YIPF4: variants seen among roughly 807,000 people sequenced by gnomAD.
YIPF4 encodes the protein protein YIPF4.
A neutral mutation model predicts 29.4 loss-of-function variants in YIPF4; 18 were observed. The ratio of observed to expected loss-of-function variants is 0.61; its 90% CI spans 0.42 to 0.91. The LOEUF (loss-of-function observed/expected upper bound fraction) is 0.91. YIPF4 is among the 40% of genes least tolerant of loss of function. The probability of loss-of-function intolerance (pLI) is 0.00; values close to 1 mark genes in which losing one functional copy is unlikely to be tolerated. For synonymous variants in YIPF4, 115 were observed against 104.7 expected, an observed-to-expected ratio of 1.10 and a Z score of -0.60; for missense variants, 279 against 282.7, an observed-to-expected ratio of 0.99 and a Z score of 0.09.
intron 1 of YIPF4, among the ~76,000 whole-genome samples, chr2:32,287,822 T>A (rs1429254171): frequency 2.0e-5 from 3 of 152,232 alleles, no homozygotes; most frequent in African/African-American, 7.2e-5. Flanking sequence ...CAATAGATTT[T>A]TTAAAAGATT....
In YIPF4 at chr2:32,313,077, A is replaced by G. The variant is rs2031749200; in HGVS notation, c.*7451A>G. On this transcript the variant is annotated 3_prime_UTR_variant, in exon 6 of 6. Coordinates refer to ENST00000238831, the MANE Select transcript of YIPF4 (RefSeq NM_032312.4). ...GGGGACTCAGCCAATTAATTTCACA[A>G]ATTGTAAAACTATTTCAAGAAATGA... The G allele has an allele frequency of 6.6e-6, 1 of 152,132 alleles. No individual in the cohort carries two copies. The highest frequency in any genetic ancestry group is 2.4e-5 in the African/African-American group (1 of 41,442). The allele number at this position is 152,132 out of a possible 1,614,324, so 9.4% of individuals were successfully genotyped here.
chr2:32,294,203 A>C (rs1480608486), intron 3 of YIPF4, among the ~76,000 whole-genome samples: 1 of 151,580 alleles, frequency 6.6e-6, no homozygotes, highest in Non-Finnish European at 1.5e-5. Flanking sequence ...GGTGGCTGCC[A>C]GGCAGAGACA....
At chr2:32,279,855 C>G (rs1314691074) in intron 1 of YIPF4, among the ~76,000 whole-genome samples, 2 of 149,202 alleles carry the variant, frequency 1.3e-5, no homozygotes, top group Non-Finnish European at 3.0e-5. Context: ...TTTTGTCTAT[C>G]AAAGGGAACA....
In YIPF4 at chr2:32,305,247, G is replaced by A. The variant is rs532824469; in HGVS notation, c.598-242G>A. Among the ~76,000 whole-genome samples, 19 of 152,158 alleles carry A rather than the reference G, an allele frequency of 1.2e-4. 1 individual carries two copies. The highest frequency in any genetic ancestry group is 3.4e-3 in the Middle Eastern group (1 of 294). Reference sequence around the variant, plus strand: ...AGAGTCCCCCAAGTCTTTTTAATAGGCACCCCAAGTGATTCTTATGATTAG... The same window carrying A: ...AGAGTCCCCCAAGTCTTTTTAATAGACACCCCAAGTGATTCTTATGATTAG... On this transcript the variant is annotated intron_variant, in intron 5 of 5. Coordinates refer to ENST00000238831, the MANE Select transcript of YIPF4 (RefSeq NM_032312.4).
At chr2:32,294,344 C>T (rs1016239752) in intron 3 of YIPF4, among the ~76,000 whole-genome samples, 1 of 151,430 alleles carries the variant, frequency 6.6e-6, no homozygotes. Flanking sequence ...CTCCTCACTT[C>T]TCAGACAGGG....
intron 1 of YIPF4, among the ~76,000 whole-genome samples, chr2:32,279,212 C>T (rs2148955735): frequency 6.6e-6 from 1 of 152,134 alleles, no homozygotes; most frequent in South Asian, 2.1e-4. Flanking sequence ...ACCTCGTGAT[C>T]CGCCCGCCTC....
At chr2:32,300,425 C>T (rs1253140321) in intron 4 of YIPF4, among the ~76,000 whole-genome samples, 1 of 144,938 alleles carries the variant, frequency 6.9e-6, no homozygotes, top group African/African-American at 2.6e-5. Context: ...CAGAGGAGGA[C>T]TCCGTCTTTA....
At chr2:32,279,432 C>T (rs1482498459) in intron 1 of YIPF4, among the ~76,000 whole-genome samples, 2 of 133,010 alleles carry the variant, frequency 1.5e-5, no homozygotes, top group East Asian at 2.2e-4. Flanking sequence ...GAGTCTCGCT[C>T]TGTCGCCCAG....
Position 32,313,268 on chromosome 2 carries a change from A to G in YIPF4, c.*7642A>G, listed in dbSNP as rs939159387. On this transcript the variant is annotated 3_prime_UTR_variant, in exon 6 of 6. Transcript: ENST00000238831. Reference sequence around the variant, plus strand: ...TTTGTGAGTTTGCTTGGGGAAAAAAATTTAAAAATATAAAAAGAAAACCAG... The same window carrying G: ...TTTGTGAGTTTGCTTGGGGAAAAAAGTTTAAAAATATAAAAAGAAAACCAG... 6.6e-6 allele frequency: 1 copy of G among 152,194 alleles called. No homozygotes were observed. Among genetic ancestry groups the G allele is most frequent in the African/African-American group, 2.4e-5 (1 of 41,452 alleles). 9.4% of individuals were successfully genotyped at this position (152,194 alleles called of 1,614,324 possible).
chr2:32,298,219 A>AT lies in YIPF4; in HGVS notation c.406-10dup, dbSNP rs766654684. 45 of 1,571,476 alleles carry AT rather than the reference A, an allele frequency of 2.9e-5. No homozygotes were observed. The South Asian group carries it at 4.3e-4, about 15-fold the overall frequency. On this transcript the variant is annotated splice_polypyrimidine_tract_variant and intron_variant, in intron 3 of 5. Coordinates refer to ENST00000238831, the MANE Select transcript of YIPF4 (RefSeq NM_032312.4). ...TTGGTATAAAAATATTAATTGCATG[A>AT]TTTTTCCCCCTAAGGTGGTCTCATG... is the stretch of plus-strand genomic sequence containing the variant.
chr2:32,293,873 C>T (rs532979905), intron 3 of YIPF4, among the ~76,000 whole-genome samples: 4,584 of 141,208 alleles, frequency 0.032, 61 homozygotes, highest in African/African-American at 0.072. Context: ...CCGGACGGGG[C>T]GGCTGGCCGG....
chr2:32,291,555 A>G (rs370847998), intron 2 of YIPF4, among the ~76,000 whole-genome samples: 2 of 152,132 alleles, frequency 1.3e-5, no homozygotes, highest in East Asian at 1.9e-4. Context: ...AAAAACAAAG[A>G]AACAAACCGT....
At chr2:32,285,336 C>T (rs1273470867) in intron 1 of YIPF4, among the ~76,000 whole-genome samples, 2 of 152,008 alleles carry the variant, frequency 1.3e-5, no homozygotes, top group Non-Finnish European at 2.9e-5. Flanking sequence ...TTTTAGATGC[C>T]TTTGAGATAG....
chr2:32,298,642 C>T (rs1329150822), intron 4 of YIPF4, among the ~76,000 whole-genome samples: 1 of 152,104 alleles, frequency 6.6e-6, no homozygotes. Flanking sequence ...CTCATTGCAG[C>T]CTCCGCCTCC....
intron 1 of YIPF4, among the ~76,000 whole-genome samples, chr2:32,283,744 G>A (rs1049633626): frequency 2.0e-5 from 3 of 148,986 alleles, no homozygotes; most frequent in African/African-American, 7.4e-5. Flanking sequence ...TGAGACAAGA[G>A]TCTCGCTGTG....
At chr2:32,295,024 C>G (rs2031117655) in intron 3 of YIPF4, among the ~76,000 whole-genome samples, 1 of 150,632 alleles carries the variant, frequency 6.6e-6, no homozygotes, top group Non-Finnish European at 1.5e-5. Context: ...GCAGTACAGT[C>G]CAGCTTCGGC....
intron 2 of YIPF4, among the ~76,000 whole-genome samples, chr2:32,291,400 C>T (rs887513335): frequency 1.3e-5 from 2 of 152,008 alleles, no homozygotes; most frequent in South Asian, 2.1e-4. Flanking sequence ...AAAAATTAGC[C>T]GGGCGTGGTG....
chr2:32,298,042 AT>A (rs1335112612), intron 3 of YIPF4, among the ~76,000 whole-genome samples, 191 bp from the exon 4 acceptor site: 1 of 152,092 alleles, frequency 6.6e-6, no homozygotes, highest in African/African-American at 2.4e-5. Flanking sequence ...TAAGATTTTA[AT>A]TTGGATGTAA....
At chr2:32,297,722 G>A (rs1163374693) in intron 3 of YIPF4, among the ~76,000 whole-genome samples, 1 of 152,084 alleles carries the variant, frequency 6.6e-6, no homozygotes, top group African/African-American at 2.4e-5. Flanking sequence ...ATGTGCTTAT[G>A]TTGCTACTGG....
Sources: allele counts gnomAD v4.1 joint callset (sites outside exome capture counted in the v4.1 genomes callset), GRCh38; gene constraint gnomAD v4.1.1; transcripts MANE v1.5; gene names NCBI Gene and HGNC (gene_info 2026-07-23, HGNC 2026-07-21).